The following CARMIL1 variants were observed in gnomAD, a reference collection of about 807,000 sequenced individuals.
CARMIL1 encodes the protein F-actin-uncapping protein LRRC16A.
In CARMIL1, 90 loss-of-function variants were observed where a neutral mutation model predicts 177.1. The ratio of observed to expected loss-of-function variants is 0.51; its 90% CI spans 0.43 to 0.61. The LOEUF is 0.61. Ranked by LOEUF, CARMIL1 falls within the 20% of genes least tolerant of loss-of-function variation. The pLI is 0.00. For synonymous variants in CARMIL1, 577 were observed against 606.2 expected (o/e 0.95, Z 0.71); for missense variants, 1,380 against 1,667.0 (o/e 0.83, Z 3.00).
chr6:25,430,532 C>A (rs9348679), intron 4 of CARMIL1, among the ~76,000 whole-genome samples: 1 of 151,116 alleles, frequency 6.6e-6, no homozygotes, highest in Admixed American at 6.6e-5. Context: ...CGGGACCAAG[C>A]GATCCTCTCA....
At chr6:25,433,702 T>G (rs554526616) in intron 4 of CARMIL1, among the ~76,000 whole-genome samples, 105 of 152,316 alleles carry the variant, frequency 6.9e-4, no homozygotes, top group African/African-American at 2.5e-3. Flanking sequence ...TTTTAATTTT[T>G]TTATGTACAA....
At position 25,406,992 on chromosome 6, in the gene CARMIL1, C is replaced by T. The variant is rs11965267; in HGVS notation, c.139-13122C>T. On this transcript the variant is annotated intron_variant, in intron 2 of 36. Coordinates refer to ENST00000329474, the MANE Select transcript of CARMIL1 (RefSeq NM_017640.6). The stretch of plus-strand genomic sequence containing the variant: ...GAGGCCAGTTGAAAATGTATGGAAA[C>T]GAGAACATCAAGCATGAAGGGCCAT... Among the ~76,000 whole-genome samples, 647 of 152,110 alleles carry T rather than the reference C, an allele frequency of 4.3e-3. 5 individuals carry two copies. Among genetic ancestry groups the T allele is most frequent in the African/African-American group, 0.014 (596 of 41,486 alleles).
In CARMIL1 at chr6:25,420,130, G is replaced by C; in HGVS notation, c.155G>C (p.Arg52Pro). 6.2e-7 allele frequency: 1 copy of C among 1,613,420 alleles called. No individual in the cohort carries two copies. The highest frequency in any genetic ancestry group is 1.1e-5 in the South Asian group (1 of 91,056). Reference protein sequence around the residue: ...ENKVLVLTSCRAFLVTARIPT... With the variant: ...ENKVLVLTSCPAFLVTARIPT... The stretch of plus-strand genomic sequence containing the variant: ...GTCTTACAGGTCCTTACATCATGCC[G>C]AGCCTTCCTTGTAACAGCGCGAATC... The change falls in exon 3 of 37, where the codon CGA (arginine) becomes CCA (proline). Residue 52 changes from arginine to proline, a missense_variant. By Grantham distance (103) the Arg-to-Pro change is moderately radical. Transcript: ENST00000329474.
rs149138702 is a variant in CARMIL1 at position 25,354,532 on chromosome 6, T to G, written c.139-65582T>G. Among the ~76,000 whole-genome samples the G allele has an allele frequency of 1.3e-3, 195 of 152,158 alleles. 1 individual carries two copies. Among genetic ancestry groups the G allele is most frequent in the African/African-American group, 4.6e-3 (190 of 41,506 alleles). ...TCCATGAGAGAGGATTGCCCCTTCATGTTTTCAGCTTCTTCTGCTTTCAAC... is the reference window on the plus strand; with the variant it reads ...TCCATGAGAGAGGATTGCCCCTTCAGGTTTTCAGCTTCTTCTGCTTTCAAC... On this transcript the variant is annotated intron_variant, in intron 2 of 36. Transcript: ENST00000329474.
intron 2 of CARMIL1, among the ~76,000 whole-genome samples, chr6:25,378,285 A>G (rs1043738591): frequency 2.0e-5 from 3 of 152,216 alleles, no homozygotes; most frequent in African/African-American, 7.2e-5. Flanking sequence ...GTTGACACTC[A>G]GAACTCAAAA....
intron 2 of CARMIL1, among the ~76,000 whole-genome samples, chr6:25,327,954 G>C (rs1785278115): frequency 6.6e-6 from 1 of 152,128 alleles, no homozygotes; most frequent in Admixed American, 6.5e-5. Flanking sequence ...TAGAACATTG[G>C]GGCTTGGTGA....
chr6:25,313,715 A>G (rs58094280), intron 2 of CARMIL1, among the ~76,000 whole-genome samples: 2 of 141,368 alleles, frequency 1.4e-5, no homozygotes, highest in Admixed American at 7.0e-5. Flanking sequence ...GAAACCAGAA[A>G]TGGTGTATTT....
intron 2 of CARMIL1, among the ~76,000 whole-genome samples, chr6:25,418,778 T>C (rs1562111016): frequency 6.6e-6 from 1 of 152,062 alleles, no homozygotes; most frequent in Non-Finnish European, 1.5e-5. Flanking sequence ...CAGGTAAAAA[T>C]TGATCCTGTG....
intron 29 of CARMIL1, among the ~76,000 whole-genome samples, chr6:25,566,284 G>C (rs116616815): frequency 0.019 from 2,909 of 152,288 alleles, 69 homozygotes; most frequent in African/African-American, 0.057. Context: ...CCCAGAATAA[G>C]GTTCATGGTC....
chr6:25,297,492 A>T (rs1382438927), intron 2 of CARMIL1, among the ~76,000 whole-genome samples: 1 of 152,220 alleles, frequency 6.6e-6, no homozygotes, highest in Non-Finnish European at 1.5e-5. Context: ...TGTGGAGAAC[A>T]TGTTGGGTCT....
At chr6:25,488,209 T>A (rs931610360) in intron 12 of CARMIL1, among the ~76,000 whole-genome samples, 2 of 152,208 alleles carry the variant, frequency 1.3e-5, no homozygotes, top group African/African-American at 4.8e-5. Flanking sequence ...ATTAAAATCC[T>A]TTCTGTCCTT....
chr6:25,443,040 C>T lies in CARMIL1; in HGVS notation c.372-6858C>T, dbSNP rs141869141. ...ATATTTTCTTCCTGTGTTTGAGTAG[C>T]TGAACCCCCTATGTATCATCAAAAG... is the stretch of plus-strand genomic sequence containing the variant. On this transcript the variant is annotated intron_variant, in intron 5 of 36. Coordinates refer to ENST00000329474, the MANE Select transcript of CARMIL1 (RefSeq NM_017640.6). Among the ~76,000 whole-genome samples, 1,147 of 152,326 alleles carry T rather than the reference C, an allele frequency of 7.5e-3. 9 individuals carry two copies. The highest frequency in any genetic ancestry group is 0.015 in the South Asian group (70 of 4,824).
At position 25,506,969 on chromosome 6, in the gene CARMIL1, G is replaced by A. The variant is rs189858328; in HGVS notation, c.1396-2687G>A. Among the ~76,000 whole-genome samples, 10 of 152,236 alleles carry A rather than the reference G, an allele frequency of 6.6e-5. No homozygotes were observed. The East Asian group carries it at 9.6e-4, about 15-fold the overall frequency. ...TAGAATTATGAGTAAGATCAGAAAC[G>A]TTCCACCTTCCTTGAATGAGAGGAT... is the stretch of plus-strand genomic sequence containing the variant. On this transcript the variant is annotated intron_variant, in intron 17 of 36. Transcript: ENST00000329474.
chr6:25,347,335 G>A lies in CARMIL1; in HGVS notation c.138+62426G>A, dbSNP rs75692755. 6.8e-3 allele frequency among the ~76,000 whole-genome samples: 1,035 copies of A among 152,300 alleles called. 9 individuals are homozygous for A. The highest frequency in any genetic ancestry group is 0.023 in the African/African-American group (972 of 41,550). On this transcript the variant is annotated intron_variant, in intron 2 of 36. Coordinates refer to ENST00000329474, the MANE Select transcript of CARMIL1 (RefSeq NM_017640.6). ...ATCACAACTACCTAAATTTAGCCATGTGATATTTTACCAACAGCCCATTGA... is the reference window on the plus strand; with the variant it reads ...ATCACAACTACCTAAATTTAGCCATATGATATTTTACCAACAGCCCATTGA...
intron 36 of CARMIL1, among the ~76,000 whole-genome samples, chr6:25,614,040 C>T (rs1391810004): frequency 2.0e-5 from 3 of 152,182 alleles, no homozygotes; most frequent in Admixed American, 6.5e-5. Context: ...TCTTATGATA[C>T]ACTTCACAGC....
intron 29 of CARMIL1, among the ~76,000 whole-genome samples, chr6:25,571,420 CTAATAAA>C (rs1812054191): frequency 6.6e-6 from 1 of 152,022 alleles, no homozygotes; most frequent in African/African-American, 2.4e-5. Flanking sequence ...GGAATGGCAC[CTAATAAA>C]TATAAGAACA....
chr6:25,521,640 G>A lies in CARMIL1; in HGVS notation c.1968+1303G>A, dbSNP rs139647378. On this transcript the variant is annotated intron_variant, in intron 23 of 36. Transcript: ENST00000329474. The stretch of plus-strand genomic sequence containing the variant: ...AAAAATTAGCCTGACTAGGTGGCGG[G>A]CGCCTGTAGTCCCAGCTACTCGGAA... Among the ~76,000 whole-genome samples, 725 of 152,130 alleles carry A rather than the reference G, an allele frequency of 4.8e-3. 5 individuals are homozygous for A. The highest frequency in any genetic ancestry group is 0.014 in the African/African-American group (576 of 41,486).
chr6:25,491,297 A>G (rs992545310), intron 13 of CARMIL1, among the ~76,000 whole-genome samples: 2 of 152,228 alleles, frequency 1.3e-5, no homozygotes, highest in Non-Finnish European at 2.9e-5. Context: ...AAGAGAGGAT[A>G]GCCTGAGACC....
chr6:25,385,471 A>G (rs1208941701), intron 2 of CARMIL1, among the ~76,000 whole-genome samples: 1 of 152,212 alleles, frequency 6.6e-6, no homozygotes. Flanking sequence ...TGAGGGGCCT[A>G]ATGATTCGTT....
Sources: gnomAD v4.1 joint callset for allele counts (sites outside exome capture counted in the v4.1 genomes callset) on GRCh38, gnomAD v4.1.1 for gene constraint, MANE v1.5 for transcripts, NCBI Gene and HGNC (gene_info 2026-07-23, HGNC 2026-07-21) for gene names.